BMS1: variants seen among roughly 807,000 people sequenced by gnomAD.
BMS1 encodes the protein ribosome biogenesis protein BMS1 homolog.
A neutral mutation model predicts 138.7 loss-of-function variants in BMS1; 53 were observed. The ratio of observed to expected loss-of-function variants is 0.38; its 90% CI spans 0.31 to 0.48. BMS1 has a LOEUF of 0.48. BMS1 is among the 20% of genes least tolerant of loss of function. The pLI is 0.97. For missense variants in BMS1, 1,360 were observed against 1,565.5 expected, an observed-to-expected ratio of 0.87 and a Z score of 2.22; for synonymous variants, 504 against 539.9, an observed-to-expected ratio of 0.93 and a Z score of 0.92.
At position 42,817,433 on chromosome 10, in the gene BMS1, A is replaced by G; in HGVS notation, c.2519A>G (p.Tyr840Cys). 2 of 1,608,178 alleles carry G rather than the reference A, an allele frequency of 1.2e-6. No homozygotes were observed. Among genetic ancestry groups the G allele is most frequent in the Middle Eastern group, 2.3e-4 (1 of 4,416 alleles). Reference sequence around the variant, plus strand: ...TTGAAGGAGATGTTTGATGCAGAATATGATGAAGGAGAAAGCACATATTTT... The same window carrying G: ...TTGAAGGAGATGTTTGATGCAGAATGTGATGAAGGAGAAAGCACATATTTT... ...RKLKEMFDAE[Y>C]DEGESTYFDD... The change falls in exon 15 of 23, where the codon TAT becomes TGT. Residue 840 changes from tyrosine (Y) to cysteine (C), a missense_variant. Physicochemically the swap from Tyr to Cys is radical, Grantham distance 194 (BLOSUM62 -2). Around this residue, in one of 3 missense-constraint regions of BMS1, gnomAD observed 425 missense variants for 568.3 expected, o/e 0.75. Coordinates refer to ENST00000374518, the MANE Select transcript of BMS1 (RefSeq NM_014753.4).
chr10:42,790,807 G>A (rs1254742127), intron 5 of BMS1, among the ~76,000 whole-genome samples: 5 of 151,818 alleles, frequency 3.3e-5, no homozygotes, highest in African/African-American at 9.7e-5. Flanking sequence ...CTGAGATCAC[G>A]CCACTGCACT....
intron 12 of BMS1, among the ~76,000 whole-genome samples, chr10:42,800,508 T>C (rs1475889891): frequency 6.6e-6 from 1 of 151,804 alleles, no homozygotes; most frequent in Non-Finnish European, 1.5e-5. Flanking sequence ...CTGCCATATA[T>C]ATAGGGTAAA....
chr10:42,793,962 A>G lies in BMS1; in HGVS notation c.1200A>G (p.Pro400=). The G allele has an allele frequency of 6.2e-7, 1 of 1,610,756 alleles. No individual in the cohort carries two copies. The highest frequency in any genetic ancestry group is 8.5e-7 in the Non-Finnish European group (1 of 1,179,476). The part of the protein sequence containing the change: ...SRVTLFSDSK[P]LGSEDIDNQG... ...TGACGCTGTTTTCTGATTCCAAGCC[A>G]CTTGGGTCAGAGGATATAGATAATC... Residue 400 remains proline, a synonymous_variant, in exon 9 of 23, where the codon CCA becomes CCG. Coordinates refer to ENST00000374518, the MANE Select transcript of BMS1 (RefSeq NM_014753.4).
chr10:42,816,584 G>C lies in BMS1; in HGVS notation c.2330-15G>C. ...ACCTGGCTCACAGAGCAGCCTTTGG[G>C]TGTTCTTTTCCCAGAGGAGCTCTAC... On this transcript the variant is annotated splice_polypyrimidine_tract_variant and intron_variant, in intron 13 of 22. Transcript: ENST00000374518. The C allele has an allele frequency of 6.2e-7, 1 of 1,604,124 alleles. No individual in the cohort carries two copies. The highest frequency in any genetic ancestry group is 8.5e-7 in the Non-Finnish European group (1 of 1,176,864).
intron 13 of BMS1, among the ~76,000 whole-genome samples, chr10:42,808,294 A>AT (rs1554796713): frequency 7.1e-4 from 103 of 144,810 alleles, no homozygotes; most frequent in African/African-American, 2.4e-3. Context: ...TTATTTATTT[A>AT]TTATTATTAT....
intron 13 of BMS1, among the ~76,000 whole-genome samples, chr10:42,814,294 T>C (rs999474534): frequency 6.6e-6 from 1 of 152,246 alleles, no homozygotes; most frequent in Non-Finnish European, 1.5e-5. Flanking sequence ...TTATTTTCTC[T>C]CTATTGTTTA....
intron 14 of BMS1, among the ~76,000 whole-genome samples, chr10:42,817,060 C>A (rs1277377811): frequency 1.3e-5 from 2 of 152,122 alleles, no homozygotes; most frequent in Admixed American, 1.3e-4. Flanking sequence ...GTGAGGGACA[C>A]GTCTGTTATT....
chr10:42,830,651 G>A (rs778119847), intron 22 of BMS1, among the ~76,000 whole-genome samples: 1 of 152,048 alleles, frequency 6.6e-6, no homozygotes, highest in Non-Finnish European at 1.5e-5. Flanking sequence ...TCGGTTAGCT[G>A]CACACAGTGT....
chr10:42,834,347 CG>C lies in BMS1; in HGVS notation c.*3254del, dbSNP rs1842842525. 1 of 151,774 alleles carries C rather than the reference CG, an allele frequency of 6.6e-6. No homozygotes were observed. The highest frequency in any genetic ancestry group is 2.1e-4 in the South Asian group (1 of 4,808). The allele number at this position is 151,774 out of a possible 1,614,324, so 9.4% of individuals were successfully genotyped here. ...ATGTTTGAGCAAAGAGGAAAGCCACCGGGTCTGATTCAGCTCTCTGGAGGCT... is the reference window on the plus strand; with the variant it reads ...ATGTTTGAGCAAAGAGGAAAGCCACCGGTCTGATTCAGCTCTCTGGAGGCT... On this transcript the variant is annotated 3_prime_UTR_variant, in exon 23 of 23. Transcript: ENST00000374518.
chr10:42,791,385 G>A (rs1349202675), intron 5 of BMS1, among the ~76,000 whole-genome samples: 2 of 151,974 alleles, frequency 1.3e-5, no homozygotes, highest in African/African-American at 2.4e-5. Flanking sequence ...GTGCTCAGAC[G>A]CCTCACCTCC....
rs1364895389 is a variant in BMS1, at chr10:42,831,629, C to T, written c.*533C>T. The T allele has an allele frequency of 2.6e-5, 4 of 155,436 alleles. No individual in the cohort carries two copies. The highest frequency in any genetic ancestry group is 1.2e-4 in the Admixed American group (2 of 16,088). The allele number at this position is 155,436 out of a possible 1,614,324, so 9.6% of individuals were successfully genotyped here. ...GTACAGCCTACTGTGCACCCAGGAT[C>T]TATGGGCTCCTTTGATCACTGGCCC... On this transcript the variant is annotated 3_prime_UTR_variant, in exon 23 of 23. Transcript: ENST00000374518.
In BMS1 at chr10:42,820,980, C is replaced by T. The variant is rs753447129; in HGVS notation, c.2997C>T (p.Val999=). 5.7e-6 allele frequency: 9 copies of T among 1,589,512 alleles called. No individual in the cohort carries two copies. In the Admixed American group the frequency reaches 6.7e-5, roughly 12 times the overall value. Residue 999 remains valine, a synonymous_variant, in exon 18 of 23, where the codon GTC becomes GTT. Transcript: ENST00000374518. The part of the protein sequence containing the change: ...QGTGFLAIQS[V]SGIMPDFRIA... ...CTGGTTTCTTGGCAATACAGTCTGT[C>T]AGTGGCATAATGGTAACTATCTTGG...
intron 18 of BMS1, among the ~76,000 whole-genome samples, chr10:42,821,539 C>T (rs61844827): frequency 0.069 from 8,919 of 129,854 alleles, 483 homozygotes; most frequent in Non-Finnish European, 0.099. Flanking sequence ...GTACTCAAGG[C>T]GCCTTTTTTT....
chr10:42,806,701 C>G (rs906040712), intron 13 of BMS1, among the ~76,000 whole-genome samples: 1 of 146,962 alleles, frequency 6.8e-6, no homozygotes. Context: ...CGCCACTGTA[C>G]TCCAGCCTGG....
chr10:42,817,521 C>T, intron 15 of BMS1, 27 bp downstream of exon 15: 2 of 1,581,924 alleles, frequency 1.3e-6, no homozygotes, highest in Non-Finnish European at 1.7e-6. Context: ...CCTCTCAGCC[C>T]CTTGTCAAGA....
intron 12 of BMS1, among the ~76,000 whole-genome samples, chr10:42,799,334 G>A (rs1841798934): frequency 6.6e-6 from 1 of 152,136 alleles, no homozygotes; most frequent in Non-Finnish European, 1.5e-5. Context: ...TCGAACTCTG[G>A]GTTCGAATGA....
At chr10:42,794,367 A>G (rs1318970804) in intron 9 of BMS1, among the ~76,000 whole-genome samples, 1 of 151,988 alleles carries the variant, frequency 6.6e-6, no homozygotes, top group Non-Finnish European at 1.5e-5. Flanking sequence ...TGAAAGTTTT[A>G]TTTAGATTGT....
At chr10:42,802,926 GC>G (rs1841913792) in intron 13 of BMS1, among the ~76,000 whole-genome samples, 1 of 151,768 alleles carries the variant, frequency 6.6e-6, no homozygotes, top group Non-Finnish European at 1.5e-5. Flanking sequence ...ATAATTCTTG[GC>G]TCACACTTTT....
In BMS1 at chr10:42,784,460, G is replaced by C. The variant is rs1479235813; in HGVS notation, c.66G>C (p.Lys22Asn). Residue 22 changes from lysine to asparagine, a missense_variant, in exon 2 of 23, where the codon AAG becomes AAC. By Grantham distance (94) the Lys-to-Asn change is moderately conservative. This residue lies in a region of BMS1 where 238 missense variants were observed against 311.1 expected (regional missense o/e 0.77). Coordinates refer to ENST00000374518, the MANE Select transcript of BMS1 (RefSeq NM_014753.4). ...KNSGPKAAKKKKRLLQDLQLG... is the reference protein window; with the variant it reads ...KNSGPKAAKKNKRLLQDLQLG... ...GTGGACCCAAAGCTGCAAAGAAAAA[G>C]AAGCGGCTTCTGCAGGATCTCCAGC... The C allele has an allele frequency of 1.2e-6, 2 of 1,613,838 alleles. No individual in the cohort carries two copies. Among genetic ancestry groups the C allele is most frequent in the Non-Finnish European group, 1.7e-6 (2 of 1,179,870 alleles).
Sources: allele counts gnomAD v4.1 joint callset (sites outside exome capture counted in the v4.1 genomes callset), GRCh38; gene constraint gnomAD v4.1.1; regional missense constraint gnomAD v4.1.1; transcripts MANE v1.5; gene names NCBI Gene and HGNC (gene_info 2026-07-23, HGNC 2026-07-21).